Variants in FSD2 observed in about 807,000 individuals in gnomAD.
FSD2 encodes the protein fibronectin type III and SPRY domain-containing protein 2.
Under a neutral mutation model 80.4 loss-of-function variants are expected in FSD2, and 71 were observed. The observed-to-expected ratio is 0.88, with a 90% CI of 0.73 to 1.08. FSD2 has a LOEUF of 1.08. Among genes scored for constraint, FSD2 ranks in the 50% least tolerant of loss-of-function variants. The pLI is 0.00. For missense variants in FSD2, 923 were observed against 913.8 expected, an observed-to-expected ratio of 1.01 and a Z score of -0.13; for synonymous variants, 361 against 329.5, an observed-to-expected ratio of 1.10 and a Z score of -1.03.
At chr15:82,762,388 T>A in intron 11 of FSD2, 110 bp from the exon 12 acceptor site, 1 of 967,714 alleles carries the variant, frequency 1.0e-6, no homozygotes, top group Non-Finnish European at 1.5e-6. Context: ...ACGAACGTGG[T>A]GGTAGGTGCT....
intron 7 of FSD2, among the ~76,000 whole-genome samples, chr15:82,771,515 C>T (rs547520844): frequency 1.3e-5 from 2 of 152,192 alleles, no homozygotes; most frequent in Admixed American, 1.3e-4. Flanking sequence ...GTCCCATTTC[C>T]GGGGAAAAGG....
chr15:82,759,941 G>A (rs1441442533), intron 12 of FSD2, among the ~76,000 whole-genome samples: 6 of 150,870 alleles, frequency 4.0e-5, no homozygotes. Context: ...TTACAGGCGT[G>A]CACCACCAAG....
At position 82,782,865 on chromosome 15, in the gene FSD2, A is replaced by C. The variant is rs750580456; in HGVS notation, c.896T>G (p.Leu299Arg). 2 of 1,614,010 alleles carry C rather than the reference A, an allele frequency of 1.2e-6. No individual in the cohort carries two copies. The highest frequency in any genetic ancestry group is 1.7e-6 in the Non-Finnish European group (2 of 1,179,892). The change falls in exon 4 of 13, where the codon CTA becomes CGA. Residue 299 changes from leucine to arginine, a missense_variant. Transcript: ENST00000334574. ...TTCCATCAGTTCTTTGCAAGTATCT[A>C]GGTTTTCTCCACAGCTGACCAGTTG... ...YGQLVSCGEN[L>R]DTCKELMETI...
At chr15:82,793,610 G>A (rs1405921997) in intron 1 of FSD2, among the ~76,000 whole-genome samples, 2 of 152,150 alleles carry the variant, frequency 1.3e-5, no homozygotes, top group Non-Finnish European at 1.5e-5. Context: ...TATAGCGTAA[G>A]TAGCAATGGG....
intron 1 of FSD2, among the ~76,000 whole-genome samples, chr15:82,795,098 C>T (rs1350396610): frequency 6.6e-6 from 1 of 152,072 alleles, no homozygotes; most frequent in Non-Finnish European, 1.5e-5. Context: ...TCCATTTTTT[C>T]GGATGTCAGT....
At position 82,782,913 on chromosome 15, in the gene FSD2, T is replaced by A; in HGVS notation, c.848A>T (p.Glu283Val). The change falls in exon 4 of 13, where the codon GAG becomes GTG. Residue 283 changes from glutamate (E) to valine (V), a missense_variant. By Grantham distance (121) the Glu-to-Val change is moderately radical. Transcript: ENST00000334574. ...TTGTCCATATAAGGCTTCCAGCTTC[T>A]CTTTCTTTTTCTCCCCTAGAGCTTG... is the stretch of plus-strand genomic sequence containing the variant. ...KIQALGEKKK[E>V]KLEALYGQLV... 1 of 1,613,942 alleles carries A rather than the reference T, an allele frequency of 6.2e-7. No homozygotes were observed. The highest frequency in any genetic ancestry group is 8.5e-7 in the Non-Finnish European group (1 of 1,179,830).
At chr15:82,798,569 A>G (rs559582471) in intron 1 of FSD2, among the ~76,000 whole-genome samples, 19 of 152,216 alleles carry the variant, frequency 1.2e-4, no homozygotes, top group Non-Finnish European at 2.1e-4. Context: ...TGAGAAAAAT[A>G]AGCAAAATAT....
At chr15:82,782,269 G>C (rs1266882980) in intron 4 of FSD2, among the ~76,000 whole-genome samples, 1 of 150,998 alleles carries the variant, frequency 6.6e-6, no homozygotes, top group Non-Finnish European at 1.5e-5. Context: ...GCTTGGTGGC[G>C]AGCGCCTGTA....
intron 4 of FSD2, among the ~76,000 whole-genome samples, chr15:82,781,988 C>T (rs1232766250): frequency 3.3e-5 from 5 of 149,624 alleles, no homozygotes; most frequent in East Asian, 2.0e-4. Context: ...TGCTTGAACC[C>T]GGGAGGAAGA....
intron 3 of FSD2, among the ~76,000 whole-genome samples, chr15:82,784,088 A>G (rs2151516257): frequency 6.6e-6 from 1 of 152,170 alleles, no homozygotes; most frequent in African/African-American, 2.4e-5. Context: ...AACACCTGCT[A>G]TGTGCACAGG....
chr15:82,765,358 C>T lies in FSD2; in HGVS notation c.1688-60G>A, dbSNP rs1003800702. On this transcript the variant is annotated intron_variant, in intron 10 of 12. Coordinates refer to ENST00000334574, the MANE Select transcript of FSD2 (RefSeq NM_001007122.4). ...CAATCACTTGCTTTCTCCATGTGGG[C>T]GGTGGTCACCGGTTTAGCTTCGTGT... 2.4e-5 allele frequency: 39 copies of T among 1,606,460 alleles called. No individual in the cohort carries two copies. The Admixed American group carries it at 4.1e-4, about 17-fold the overall frequency.
Position 82,757,164 on chromosome 15 carries a change from G to C in FSD2, c.*2184C>G, listed in dbSNP as rs567138590. ...GGATTTTAAATGTCAGGCAATTCTA[G>C]ACAGTTTTTTCTTGGTCAAATAAAA... On this transcript the variant is annotated 3_prime_UTR_variant, in exon 13 of 13. Coordinates refer to ENST00000334574, the MANE Select transcript of FSD2 (RefSeq NM_001007122.4). 3 of 152,230 alleles carry C rather than the reference G, an allele frequency of 2.0e-5. No homozygotes were observed. The highest frequency in any genetic ancestry group is 7.2e-5 in the African/African-American group (3 of 41,530). The allele number at this position is 152,230 out of a possible 1,614,324, so 9.4% of individuals were successfully genotyped here.
At chr15:82,802,123 T>A (rs2050427613) in intron 1 of FSD2, among the ~76,000 whole-genome samples, 1 of 152,184 alleles carries the variant, frequency 6.6e-6, no homozygotes, top group Non-Finnish European at 1.5e-5. Flanking sequence ...TGGCTCATCC[T>A]CACTAATGCA....
At position 82,769,023 on chromosome 15, in the gene FSD2, A is replaced by G. The variant is rs779701889; in HGVS notation, c.1410T>C (p.Ser470=). The change falls in exon 9 of 13, where the codon TCT becomes TCC. Residue 470 remains serine (S), a synonymous_variant. Transcript: ENST00000334574. ...TCTCTTTGGTTTTAATAATGGGGGG[A>G]GAAGGTGCTAAATGTGGGAGAAAGG... The part of the protein sequence containing the change: ...SERAVYMTAP[S]PPIIKTKEIR... 5.7e-6 allele frequency: 9 copies of G among 1,580,550 alleles called. No individual in the cohort carries two copies. The South Asian group carries it at 1.1e-4, about 19-fold the overall frequency.
At chr15:82,800,713 A>AAAT (rs2050392773) in intron 1 of FSD2, among the ~76,000 whole-genome samples, 1 of 148,496 alleles carries the variant, frequency 6.7e-6, no homozygotes, top group Admixed American at 6.7e-5. Context: ...AAAAAAAAAA[A>AAAT]GCCCCTCAGT....
intron 4 of FSD2, among the ~76,000 whole-genome samples, chr15:82,780,683 T>C (rs990779237): frequency 2.6e-5 from 4 of 151,706 alleles, no homozygotes; most frequent in Non-Finnish European, 5.9e-5. Context: ...TAGATAGATA[T>C]AACTATATAT....
intron 1 of FSD2, among the ~76,000 whole-genome samples, chr15:82,791,410 A>G (rs1319006402): frequency 1.3e-5 from 2 of 151,686 alleles, no homozygotes; most frequent in Admixed American, 6.6e-5. Flanking sequence ...TCCCTCTGTC[A>G]CCCAGGCTGG....
intron 1 of FSD2, among the ~76,000 whole-genome samples, chr15:82,796,582 T>C (rs1399162307): frequency 1.3e-5 from 2 of 152,208 alleles, no homozygotes. Context: ...AGAATAAATA[T>C]TTGTTGTTTT....
At chr15:82,770,836 T>C (rs1365360421) in intron 7 of FSD2, among the ~76,000 whole-genome samples, 1 of 152,202 alleles carries the variant, frequency 6.6e-6, no homozygotes, top group Non-Finnish European at 1.5e-5. Flanking sequence ...TCGGATATCA[T>C]TTCCTTTATA....
Sources: gnomAD v4.1 joint callset for allele counts (sites outside exome capture counted in the v4.1 genomes callset) on GRCh38, gnomAD v4.1.1 for gene constraint, MANE v1.5 for transcripts, NCBI Gene and HGNC (gene_info 2026-07-23, HGNC 2026-07-21) for gene names.